The following RSF1 variants were observed in gnomAD, a reference collection of about 807,000 sequenced individuals.
RSF1 encodes HBV pX-associated protein 8.
A neutral mutation model predicts 145.2 loss-of-function variants in RSF1; 13 were observed. The observed-to-expected ratio is 0.09, with a 90% CI of 0.06 to 0.14. The LOEUF (loss-of-function observed/expected upper bound fraction) is 0.14. RSF1 is among the 10% of genes least tolerant of loss of function. RSF1 has a pLI of 1.00. For missense variants in RSF1, 1,517 were observed against 1,718.2 expected, an observed-to-expected ratio of 0.88 and a Z score of 2.07; for synonymous variants, 577 against 592.6, an observed-to-expected ratio of 0.97 and a Z score of 0.38.
intron 7 of RSF1, among the ~76,000 whole-genome samples, chr11:77,694,828 T>C (rs1960243104): frequency 6.6e-6 from 1 of 152,226 alleles, no homozygotes. Context: ...TCCTTCTTTG[T>C]CTTCCCTGAC....
chr11:77,736,521 GATCTT>G (rs1961357260), intron 4 of RSF1, among the ~76,000 whole-genome samples: 1 of 152,172 alleles, frequency 6.6e-6, no homozygotes, highest in Non-Finnish European at 1.5e-5. Flanking sequence ...TGACAACTAA[GATCTT>G]ATCTTTATGA....
At chr11:77,716,312 T>C (rs1960808389) in intron 5 of RSF1, among the ~76,000 whole-genome samples, 2 of 152,188 alleles carry the variant, frequency 1.3e-5, no homozygotes, top group African/African-American at 4.8e-5. Flanking sequence ...TAACAAGATA[T>C]CTGCACTCCC....
the RSF1 span, among the ~76,000 whole-genome samples, chr11:77,849,118 C>G: frequency 2.6e-5 from 4 of 151,818 alleles, no homozygotes; most frequent in African/African-American, 9.7e-5. Context: ...TTCACTGTAG[C>G]CTTGATCTCC....
chr11:77,819,369 T>C (rs1948815562), intron 1 of RSF1, among the ~76,000 whole-genome samples: 2 of 152,136 alleles, frequency 1.3e-5, no homozygotes, highest in African/African-American at 4.8e-5. Context: ...GAGGCAGGGA[T>C]CGGGAATAAA....
chr11:77,755,483 T>A (rs572167876), intron 2 of RSF1, among the ~76,000 whole-genome samples: 15 of 152,212 alleles, frequency 9.9e-5, no homozygotes, highest in Non-Finnish European at 1.9e-4. Flanking sequence ...GATGATGGTA[T>A]GTATCAGACA....
the RSF1 span, among the ~76,000 whole-genome samples, chr11:77,828,289 C>T: frequency 7.3e-5 from 11 of 151,140 alleles, no homozygotes; most frequent in Admixed American, 6.6e-4. Context: ...AAACAAAATA[C>T]ACAAACAGCA....
At chr11:77,821,417 T>C (rs67606281), upstream of RSF1, among the ~76,000 whole-genome samples, 26,904 of 151,998 alleles carry the variant, frequency 0.18, 2,981 homozygotes, top group African/African-American at 0.29. Context: ...CTCGGTAAGA[T>C]GTCTCTGTGG....
the RSF1 span, chr11:77,842,587 G>T: frequency 6.2e-7 from 1 of 1,613,984 alleles, no homozygotes; most frequent in Non-Finnish European, 8.5e-7. Context: ...AGTATGGCCA[G>T]GGGGTAGTCG....
At chr11:77,869,321 T>TTC in the RSF1 span, 262 of 166,092 alleles carry the variant, frequency 1.6e-3, 3 homozygotes, top group African/African-American at 5.7e-3. Flanking sequence ...TCTTTTTTTT[T>TTC]TTTTTTTTTT....
chr11:77,767,205 A>G (rs1948235457), intron 1 of RSF1, among the ~76,000 whole-genome samples: 1 of 152,110 alleles, frequency 6.6e-6, no homozygotes, highest in African/African-American at 2.4e-5. Flanking sequence ...CTGTTTTAAA[A>G]CCAAGGTCAC....
chr11:77,836,170 T>C, the RSF1 span, among the ~76,000 whole-genome samples: 1 of 152,140 alleles, frequency 6.6e-6, no homozygotes, highest in Non-Finnish European at 1.5e-5. Flanking sequence ...CCAGTTCAAA[T>C]ACTATTTCCT....
chr11:77,769,396 A>G (rs1392122885), intron 1 of RSF1, among the ~76,000 whole-genome samples: 1 of 152,256 alleles, frequency 6.6e-6, no homozygotes, highest in Non-Finnish European at 1.5e-5. Flanking sequence ...CTAAAGATTT[A>G]CTGATTAGCC....
Position 77,672,248 on chromosome 11 carries a change from AGAAC to A in RSF1, c.3563-22_3563-19del. ...GTCACTTTCTATTTTAAAAAAAGGA[AGAAC>A]AAAGTACAAAATTTAAGTCTATTTA... is the stretch of plus-strand genomic sequence containing the variant. On this transcript the variant is annotated intron_variant, in intron 14 of 15. Coordinates refer to ENST00000308488, the MANE Select transcript of RSF1 (RefSeq NM_016578.4). 6.4e-7 allele frequency: 1 copy of A among 1,566,016 alleles called. No individual in the cohort carries two copies. Among genetic ancestry groups the A allele is most frequent in the Non-Finnish European group, 8.6e-7 (1 of 1,159,880 alleles).
the RSF1 span, among the ~76,000 whole-genome samples, chr11:77,859,926 C>T: frequency 2.0e-3 from 310 of 152,230 alleles, no homozygotes; most frequent in African/African-American, 6.9e-3. Flanking sequence ...GTGAGTATGC[C>T]GTTCACATCA....
upstream of RSF1, among the ~76,000 whole-genome samples, chr11:77,823,042 G>A (rs1011410895): frequency 1.3e-5 from 2 of 151,770 alleles, no homozygotes; most frequent in Admixed American, 6.6e-5. Context: ...GGTGAAACCC[G>A]TCTCTACTAA....
the RSF1 span, among the ~76,000 whole-genome samples, chr11:77,846,191 G>A: frequency 1.3e-5 from 2 of 152,150 alleles, no homozygotes; most frequent in African/African-American, 4.8e-5. Flanking sequence ...TTAGTGATGA[G>A]CTAATGATTT....
intron 7 of RSF1, among the ~76,000 whole-genome samples, chr11:77,697,603 C>A (rs1024924886): frequency 1.3e-5 from 2 of 148,224 alleles, no homozygotes; most frequent in Admixed American, 6.8e-5. Context: ...GAAGAACTTA[C>A]TTCCTGGGGA....
In RSF1 at chr11:77,700,934, T is replaced by C. The variant is rs775845254; in HGVS notation, c.2295A>G (p.Glu765=). 3 of 1,613,536 alleles carry C rather than the reference T, an allele frequency of 1.9e-6. No individual in the cohort carries two copies. Among genetic ancestry groups the C allele is most frequent in the Non-Finnish European group, 2.5e-6 (3 of 1,179,974 alleles). ...PENKQEKTEK[E]EEKTNVGRTL... is the part of the protein sequence containing the mutation. ...TACGACCCACATTTGTTTTCTCCTC[T>C]TCCTTTTCTGTCTTCTCTTGCTTGT... The change falls in exon 6 of 16, where the codon GAA becomes GAG. Residue 765 remains glutamate, a synonymous_variant. Coordinates refer to ENST00000308488, the MANE Select transcript of RSF1 (RefSeq NM_016578.4).
At chr11:77,788,173 A>AAAAAAAAAAAAAAAAC (rs1948478508) in intron 1 of RSF1, among the ~76,000 whole-genome samples, 1 of 137,786 alleles carries the variant, frequency 7.3e-6, no homozygotes, top group Non-Finnish European at 1.6e-5. Context: ...AAAAAAAAAA[A>AAAAAAAAAAAAAAAAC]AAAATTAGGG....
Sources: allele counts gnomAD v4.1 joint callset (sites outside exome capture counted in the v4.1 genomes callset), GRCh38; gene constraint gnomAD v4.1.1; transcripts MANE v1.5; gene names NCBI Gene and HGNC (gene_info 2026-07-23, HGNC 2026-07-21).